HNRNPM: variants seen among roughly 807,000 people sequenced by gnomAD.
The protein encoded by HNRNPM is heterogeneous nuclear ribonucleoprotein M, also known as CEA receptor.
Under a neutral mutation model 73.1 loss-of-function variants are expected in HNRNPM, and 11 were observed. That is an observed-to-expected ratio of 0.15 (90% CI 0.09 to 0.25). The LOEUF (loss-of-function observed/expected upper bound fraction) is 0.25, where lower values mean the gene tolerates loss of function less well. Among genes scored for constraint, HNRNPM ranks in the 10% least tolerant of loss-of-function variants. The probability of loss-of-function intolerance (pLI) is 1.00; values close to 1 mark genes in which losing one functional copy is unlikely to be tolerated. For missense variants in HNRNPM, 789 were observed against 1,067.9 expected (o/e 0.74, Z 3.64); for synonymous variants, 407 against 355.2 (o/e 1.15, Z -1.64).
Position 8,488,855 on chromosome 19 carries a change from G to A in HNRNPM, c.*1G>A, listed in dbSNP as rs369618790. On this transcript the variant is annotated 3_prime_UTR_variant, in exon 16 of 16. Transcript: ENST00000325495. ...CGTTCGAATTGATAGAAACGCTTAAGCAGTTGCCTTTTTTAAACATCGATA... is the reference window on the plus strand; with the variant it reads ...CGTTCGAATTGATAGAAACGCTTAAACAGTTGCCTTTTTTAAACATCGATA... The A allele has an allele frequency of 3.1e-6, 5 of 1,604,332 alleles. No individual in the cohort carries two copies. Among genetic ancestry groups the A allele is most frequent in the Non-Finnish European group, 4.3e-6 (5 of 1,172,800 alleles).
chr19:8,477,686 A>G (rs1369786112), intron 12 of HNRNPM, among the ~76,000 whole-genome samples: 1 of 124,400 alleles, frequency 8.0e-6, no homozygotes, highest in East Asian at 2.1e-4. Flanking sequence ...AAAAAAAAAA[A>G]AAAAAAAGAA....
At chr19:8,476,677 C>T (rs749631408) in intron 12 of HNRNPM, among the ~76,000 whole-genome samples, 1 of 152,148 alleles carries the variant, frequency 6.6e-6, no homozygotes, top group Non-Finnish European at 1.5e-5. Flanking sequence ...CACGGTGCTC[C>T]CTGAGCTCTG....
At chr19:8,458,508 C>T (rs1343227260) in intron 2 of HNRNPM, among the ~76,000 whole-genome samples, 1 of 152,232 alleles carries the variant, frequency 6.6e-6, no homozygotes, top group African/African-American at 2.4e-5. Flanking sequence ...TGGGCTGCTT[C>T]TCTTGACCTC....
intron 12 of HNRNPM, among the ~76,000 whole-genome samples, chr19:8,476,977 T>C (rs1970553946): frequency 7.0e-6 from 1 of 142,770 alleles, no homozygotes; most frequent in Non-Finnish European, 1.5e-5. Flanking sequence ...TAATTCAAAC[T>C]AGGAATGTTA....
Position 8,486,182 on chromosome 19 carries a change from G to T in HNRNPM, c.1754G>T (p.Gly585Val). 1 of 1,585,234 alleles carries T rather than the reference G, an allele frequency of 6.3e-7. No individual in the cohort carries two copies. ...SLERMGLERM[G>V]ANSLERMGPA... ...GAGCGCATGGGCCTGGAGCGCATGG[G>T]TGCCAACAGCCTCGAGCGCATGGGC... The change falls in exon 14 of 16, where the codon GGT (glycine) becomes GTT (valine). Residue 585 changes from glycine to valine, a missense_variant. Transcript: ENST00000325495.
chr19:8,460,987 G>T (rs538268496), intron 2 of HNRNPM, among the ~76,000 whole-genome samples: 1 of 152,190 alleles, frequency 6.6e-6, no homozygotes, highest in Non-Finnish European at 1.5e-5. Flanking sequence ...AAATAAAGCC[G>T]CTTTGTACAA....
At chr19:8,460,156 T>A (rs377645013) in intron 2 of HNRNPM, among the ~76,000 whole-genome samples, 1 of 152,238 alleles carries the variant, frequency 6.6e-6, no homozygotes, top group East Asian at 1.9e-4. Flanking sequence ...CTTCATGGAA[T>A]GTGACCAGAC....
chr19:8,464,019 T>C (rs998269056), intron 5 of HNRNPM, among the ~76,000 whole-genome samples: 1 of 152,190 alleles, frequency 6.6e-6, no homozygotes, highest in Non-Finnish European at 1.5e-5. Context: ...GGCCCATCTT[T>C]TTTCTTTTTT....
intron 1 of HNRNPM, among the ~76,000 whole-genome samples, chr19:8,451,825 G>A (rs1968653039): frequency 6.6e-6 from 1 of 152,068 alleles, no homozygotes. Context: ...AGCCACCATG[G>A]CCAGTCTGCT....
intron 1 of HNRNPM, among the ~76,000 whole-genome samples, chr19:8,450,181 T>G (rs1968506410): frequency 1.3e-5 from 2 of 152,120 alleles, no homozygotes; most frequent in Non-Finnish European, 2.9e-5. Context: ...GAAGAATCAC[T>G]TTATATAAGG....
Position 8,465,311 on chromosome 19 carries a change from G to T in HNRNPM, c.439-13G>T, listed in dbSNP as rs370960252. ...GGGTCAGTTAAACGTAACACCTTTT[G>T]TGCTTGTTTTAGGATCCTGATGGTG... On this transcript the variant is annotated splice_polypyrimidine_tract_variant and intron_variant, in intron 5 of 15. Transcript: ENST00000325495. 1.3e-6 allele frequency: 2 copies of T among 1,594,208 alleles called. No individual in the cohort carries two copies. The highest frequency in any genetic ancestry group is 1.7e-6 in the Non-Finnish European group (2 of 1,169,996).
intron 2 of HNRNPM, among the ~76,000 whole-genome samples, chr19:8,461,781 C>T (rs1172013904): frequency 6.6e-6 from 1 of 152,126 alleles, no homozygotes; most frequent in African/African-American, 2.4e-5. Context: ...TGGCCTAATT[C>T]ACTGAAGAGA....
chr19:8,479,103 C>G (rs1388771427), intron 12 of HNRNPM, among the ~76,000 whole-genome samples: 1 of 12,868 alleles, frequency 7.8e-5, no homozygotes. Context: ...TTTTTTTTTT[C>G]AAGACAGAGT....
At chr19:8,475,312 A>C (rs939443261) in intron 12 of HNRNPM, among the ~76,000 whole-genome samples, 3 of 152,226 alleles carry the variant, frequency 2.0e-5, no homozygotes, top group African/African-American at 7.2e-5. Context: ...TGTGCATGAG[A>C]AATTGTAAAT....
intron 2 of HNRNPM, among the ~76,000 whole-genome samples, chr19:8,459,587 A>G (rs375196823): frequency 6.6e-6 from 1 of 152,212 alleles, no homozygotes; most frequent in Non-Finnish European, 1.5e-5. Flanking sequence ...GTTAAAAAAA[A>G]ATATATAGGT....
intron 13 of HNRNPM, among the ~76,000 whole-genome samples, chr19:8,485,279 C>T (rs1971196184): frequency 6.6e-6 from 1 of 152,110 alleles, no homozygotes; most frequent in South Asian, 2.1e-4. Flanking sequence ...ATGGAGAAAC[C>T]TCAGATGTCT....
chr19:8,488,851 T>C lies in HNRNPM; in HGVS notation c.2190T>C (p.Ala730=). Residue 730 remains alanine, a synonymous_variant, in exon 16 of 16, where the codon GCT becomes GCC. Coordinates refer to ENST00000325495, the MANE Select transcript of HNRNPM (RefSeq NM_005968.5). The part of the protein sequence containing the change: ...REIDVRIDRN[A] ...TTGACGTTCGAATTGATAGAAACGC[T>C]TAAGCAGTTGCCTTTTTTAAACATC... The C allele has an allele frequency of 1.2e-6, 2 of 1,608,282 alleles. No individual in the cohort carries two copies. Among genetic ancestry groups the C allele is most frequent in the Non-Finnish European group, 1.7e-6 (2 of 1,175,682 alleles).
Position 8,462,355 on chromosome 19 carries a change from CTT to C in HNRNPM, c.284-171_284-170del, listed in dbSNP as rs766718187. 6.6e-6 allele frequency: 4 copies of C among 610,442 alleles called. No individual in the cohort carries two copies. Among genetic ancestry groups the C allele is most frequent in the Non-Finnish European group, 1.2e-5 (4 of 334,370 alleles). The allele number at this position is 610,442 out of a possible 1,614,324, so 37.8% of individuals were successfully genotyped here. A position where few individuals can be genotyped will look rare whatever the true frequency, so the allele number is the denominator to read the frequency against. On this transcript the variant is annotated intron_variant, in intron 2 of 15. Transcript: ENST00000325495. The surrounding 1 kb of genome is among the most constrained non-coding windows in gnomAD (Gnocchi z 4.5). Reference sequence around the variant, plus strand: ...CATATTGTTAACGTGTTTTCACCTACTTTTACTGCACACCTGTAATGCCTAGT... The same window carrying C: ...CATATTGTTAACGTGTTTTCACCTACTTACTGCACACCTGTAATGCCTAGT...
chr19:8,445,338 C>T (rs1053551329), intron 1 of HNRNPM: 20 of 394,144 alleles, frequency 5.1e-5, no homozygotes, highest in Admixed American at 4.5e-4. Context: ...ACCCTCAGTC[C>T]CTCCAGGCCG....
Sources: gnomAD v4.1 joint callset for allele counts (sites outside exome capture counted in the v4.1 genomes callset) on GRCh38, gnomAD v4.1.1 for gene constraint, Gnocchi (gnomAD v3.1) non-coding constraint, MANE v1.5 for transcripts, NCBI Gene and HGNC (gene_info 2026-07-23, HGNC 2026-07-21) for gene names.